The following WDR35 variants were observed in gnomAD, a reference collection of about 807,000 sequenced individuals.
The protein encoded by WDR35 is WD repeat domain 35.
WDR35 carries 118 observed loss-of-function variants against 158.3 expected under a neutral mutation model. That is an observed-to-expected ratio of 0.75 (90% CI 0.64 to 0.87). The LOEUF is 0.87. WDR35 is among the 40% of genes least tolerant of loss of function. The pLI is 0.00. For missense variants in WDR35, 1,263 were observed against 1,405.8 expected (o/e 0.90, Z 1.62); for synonymous variants, 448 against 476.1 (o/e 0.94, Z 0.77).
At chr2:19,956,147 T>A (rs192886420) in intron 11 of WDR35, among the ~76,000 whole-genome samples, 2 of 152,320 alleles carry the variant, frequency 1.3e-5, no homozygotes, top group Non-Finnish European at 2.9e-5. Context: ...TTTAGTAAAT[T>A]CCACCATGGA....
At position 19,966,918 on chromosome 2, in the gene WDR35, A is replaced by T; in HGVS notation, c.1009-9T>A. 1 of 1,613,350 alleles carries T rather than the reference A, an allele frequency of 6.2e-7. No individual in the cohort carries two copies. The highest frequency in any genetic ancestry group is 8.5e-7 in the Non-Finnish European group (1 of 1,179,566). ...TTTGAGCAATAACCCCACTAGGAAG[A>T]AAGGAAGGAGGAAAGGGAAGGAGAT... is the stretch of plus-strand genomic sequence containing the variant. On this transcript the variant is annotated splice_polypyrimidine_tract_variant and intron_variant, in intron 9 of 26. Coordinates refer to ENST00000281405, the MANE Select transcript of WDR35 (RefSeq NM_020779.4).
At chr2:19,963,178 T>C (rs927592413) in intron 10 of WDR35, among the ~76,000 whole-genome samples, 1 of 152,168 alleles carries the variant, frequency 6.6e-6, no homozygotes, top group African/African-American at 2.4e-5. Flanking sequence ...CTCTCTATTT[T>C]TAATACCATT....
chr2:19,948,213 G>A lies in WDR35; in HGVS notation c.1475C>T (p.Thr492Ile), dbSNP rs758450344. ...AGTTATGGCACAAATTGGATCCCTT[G>A]TGCCCTAAAATAAATTAATCAATCA... is the stretch of plus-strand genomic sequence containing the variant. ...VLDYSKTIQGTRDPICAITAS... is the reference protein window; with the variant it reads ...VLDYSKTIQGIRDPICAITAS... The change falls in exon 14 of 27, where the codon ACA (threonine) becomes ATA (isoleucine). Residue 492 changes from threonine to isoleucine, a missense_variant. Thr to Ile is a moderately conservative substitution (Grantham distance 89, BLOSUM62 -1). Coordinates refer to ENST00000281405, the MANE Select transcript of WDR35 (RefSeq NM_020779.4). The A allele has an allele frequency of 1.2e-6, 2 of 1,610,090 alleles. No homozygotes were observed. The highest frequency in any genetic ancestry group is 2.2e-5 in the South Asian group (2 of 90,392).
At chr2:19,985,721 TA>T (rs34506610) in intron 2 of WDR35, among the ~76,000 whole-genome samples, 5,043 of 131,510 alleles carry the variant, frequency 0.038, 262 homozygotes, top group African/African-American at 0.13. Flanking sequence ...CCGTCTCTAC[TA>T]AAAAAAAAAA....
At position 19,914,099 on chromosome 2, in the gene WDR35, T is replaced by C; in HGVS notation, c.3300A>G (p.Glu1100=). 6.2e-7 allele frequency: 1 copy of C among 1,614,194 alleles called. No individual in the cohort carries two copies. Among genetic ancestry groups the C allele is most frequent in the Non-Finnish European group, 8.5e-7 (1 of 1,180,016 alleles). The part of the protein sequence containing the change: ...QKQQYEDLAL[E]IFTKHTSKDN... Reference sequence around the variant, plus strand: ...CTTTTGAAGTATGTTTGGTGAAGATTTCTAAAGCAAGGTCTTCATACTGCT... The same window carrying C: ...CTTTTGAAGTATGTTTGGTGAAGATCTCTAAAGCAAGGTCTTCATACTGCT... Residue 1100 remains glutamate (E), a synonymous_variant, in exon 26 of 27, where the codon GAA becomes GAG. Transcript: ENST00000281405.
intron 10 of WDR35, among the ~76,000 whole-genome samples, chr2:19,964,351 T>A (rs532567890): frequency 2.3e-4 from 35 of 150,116 alleles, no homozygotes; most frequent in African/African-American, 7.3e-4. Context: ...CTGTTCACTC[T>A]TTTTTTTTCT....
At chr2:19,923,857 T>G (rs1670263915) in intron 25 of WDR35, among the ~76,000 whole-genome samples, 1 of 152,208 alleles carries the variant, frequency 6.6e-6, no homozygotes, top group Non-Finnish European at 1.5e-5. Context: ...TATAAATCAG[T>G]ATGGACCAGG....
chr2:19,980,971 T>C (rs905520144), intron 3 of WDR35, among the ~76,000 whole-genome samples, 188 bp from the exon 4 acceptor site: 1 of 152,196 alleles, frequency 6.6e-6, no homozygotes, highest in African/African-American at 2.4e-5. Flanking sequence ...CAACAATGCA[T>C]AATACTATTT....
chr2:19,948,053 T>C (rs1236802592), intron 14 of WDR35, 111 bp downstream of exon 14: 2 of 852,340 alleles, frequency 2.3e-6, no homozygotes, highest in Admixed American at 2.5e-5. Flanking sequence ...TCCTCCTGCT[T>C]CAGCTTCCCA....
chr2:19,954,767 G>A (rs1177985478), intron 11 of WDR35, among the ~76,000 whole-genome samples: 1 of 152,068 alleles, frequency 6.6e-6, no homozygotes, highest in Non-Finnish European at 1.5e-5. Flanking sequence ...TAAATACAGA[G>A]TTACTATATG....
At chr2:19,938,182 G>A in intron 18 of WDR35, 83 bp downstream of exon 18, 6 of 1,557,494 alleles carry the variant, frequency 3.9e-6, no homozygotes, top group Non-Finnish European at 5.3e-6. Flanking sequence ...CCATCAGGAG[G>A]ATAGTAGGGG....
chr2:19,953,799 T>C, intron 12 of WDR35, 35 bp downstream of exon 12: 5 of 1,613,554 alleles, frequency 3.1e-6, no homozygotes, highest in Non-Finnish European at 2.5e-6. Flanking sequence ...TGTGATATGG[T>C]TGAGCTACTA....
At position 19,914,030 on chromosome 2, in the gene WDR35, A is replaced by G. The variant is rs1669916059; in HGVS notation, c.3362+7T>C. On this transcript the variant is annotated splice_region_variant and intron_variant, in intron 26 of 26. Coordinates refer to ENST00000281405, the MANE Select transcript of WDR35 (RefSeq NM_020779.4). ...AGAATGGCATCCACTAATTAAAATTAGCCTACCCTTCCATAAGGCTGTCCA... is the reference window on the plus strand; with the variant it reads ...AGAATGGCATCCACTAATTAAAATTGGCCTACCCTTCCATAAGGCTGTCCA... The G allele has an allele frequency of 6.2e-7, 1 of 1,613,956 alleles. No individual in the cohort carries two copies. Among genetic ancestry groups the G allele is most frequent in the Non-Finnish European group, 8.5e-7 (1 of 1,179,986 alleles).
intron 25 of WDR35, among the ~76,000 whole-genome samples, chr2:19,926,549 C>A (rs548877387): frequency 3.0e-4 from 46 of 152,312 alleles, no homozygotes; most frequent in African/African-American, 1.0e-3. Context: ...TACAGATGAA[C>A]AACTGATGAC....
In WDR35 at chr2:19,978,195, GACACAC is replaced by G. The variant is rs3039208; in HGVS notation, c.436+550_436+555del. On this transcript the variant is annotated intron_variant, in intron 5 of 26. Coordinates refer to ENST00000281405, the MANE Select transcript of WDR35 (RefSeq NM_020779.4). ...ACATGAAGTTACACACACACACACAGACACACACACACACACACACACACAGAGCGA... is the reference window on the plus strand; with the variant it reads ...ACATGAAGTTACACACACACACACAGACACACACACACACACACAGAGCGA... Among the ~76,000 whole-genome samples the G allele has an allele frequency of 6.1e-5, 9 of 146,704 alleles. No individual in the cohort carries two copies. The East Asian group carries it at 1.2e-3, about 19-fold the overall frequency.
intron 2 of WDR35, among the ~76,000 whole-genome samples, chr2:19,987,180 T>C (rs1672591659): frequency 6.6e-6 from 1 of 152,260 alleles, no homozygotes; most frequent in Admixed American, 6.5e-5. Flanking sequence ...GTTGCATCTT[T>C]AGCACAACAC....
intron 9 of WDR35, among the ~76,000 whole-genome samples, chr2:19,967,676 C>T (rs1039983653): frequency 2.0e-5 from 3 of 151,718 alleles, no homozygotes; most frequent in African/African-American, 7.3e-5. Context: ...TAAGCTAAAC[C>T]ATGTTTAGCT....
intron 22 of WDR35, 123 bp from the exon 23 acceptor site, chr2:19,932,570 T>C (rs1572324939): frequency 8.3e-7 from 1 of 1,200,106 alleles, no homozygotes; most frequent in African/African-American, 1.5e-5. Flanking sequence ...AACTGGTATG[T>C]TTTAAAAATA....
chr2:19,933,624 G>C, intron 21 of WDR35, 113 bp from the exon 22 acceptor site: 1 of 905,886 alleles, frequency 1.1e-6, no homozygotes, highest in Non-Finnish European at 1.7e-6. Context: ...GGTAGTTACA[G>C]ATTTTTCTTG....
Sources: allele counts gnomAD v4.1 joint callset (sites outside exome capture counted in the v4.1 genomes callset), GRCh38; gene constraint gnomAD v4.1.1; transcripts MANE v1.5; gene names NCBI Gene and HGNC (gene_info 2026-07-23, HGNC 2026-07-21).